Variants in SLC45A4 observed in about 807,000 individuals in gnomAD.
SLC45A4 encodes solute carrier family 45 member 4.
Under a neutral mutation model 63.7 loss-of-function variants are expected in SLC45A4, and 32 were observed. The ratio of observed to expected loss-of-function variants is 0.50; its 90% CI spans 0.38 to 0.67. The LOEUF (loss-of-function observed/expected upper bound fraction) is 0.67, where lower values mean the gene tolerates loss of function less well. SLC45A4 is among the 30% of genes least tolerant of loss of function. The pLI is 0.00. For synonymous variants in SLC45A4, 535 were observed against 510.0 expected, an observed-to-expected ratio of 1.05 and a Z score of -0.66; for missense variants, 1,027 against 1,157.7, an observed-to-expected ratio of 0.89 and a Z score of 1.64.
intron 1 of SLC45A4, among the ~76,000 whole-genome samples, chr8:141,291,236 A>T (rs67932682): frequency 6.6e-6 from 1 of 152,188 alleles, no homozygotes; most frequent in Admixed American, 6.5e-5. Flanking sequence ...TTTTGTGAGA[A>T]CAAGTTTACA....
chr8:141,299,537 G>A (rs1830675407), intron 1 of SLC45A4, among the ~76,000 whole-genome samples: 1 of 152,208 alleles, frequency 6.6e-6, no homozygotes, highest in East Asian at 1.9e-4. Context: ...CAGCAGAGCG[G>A]CCGTGGCCGC....
chr8:141,304,778 G>C (rs1243517816), intron 1 of SLC45A4, among the ~76,000 whole-genome samples: 2 of 152,048 alleles, frequency 1.3e-5, no homozygotes, highest in Non-Finnish European at 2.9e-5. Flanking sequence ...TCTGAGGTGG[G>C]AACAACAGCA....
chr8:141,290,250 C>T (rs772906501), intron 1 of SLC45A4, among the ~76,000 whole-genome samples: 1 of 152,012 alleles, frequency 6.6e-6, no homozygotes, highest in Non-Finnish European at 1.5e-5. Context: ...GCTCACCACA[C>T]GTGCAGGTAT....
rs1212196848 is a variant in SLC45A4 at position 141,215,106 on chromosome 8, A to G, written c.1941+653T>C. On this transcript the variant is annotated intron_variant, in intron 7 of 8. Transcript: ENST00000517878. The surrounding 1 kb of genome is among the most constrained non-coding windows in gnomAD (Gnocchi z 4.3). Reference sequence around the variant, plus strand: ...GCCAGCAAGCACGTGAGTGAATCCTAGAGGATGAAGCCAGATGTTTCAGCT... The same window carrying G: ...GCCAGCAAGCACGTGAGTGAATCCTGGAGGATGAAGCCAGATGTTTCAGCT... Among the ~76,000 whole-genome samples, 1 of 152,212 alleles carries G rather than the reference A, an allele frequency of 6.6e-6. No homozygotes were observed. Among genetic ancestry groups the G allele is most frequent in the East Asian group, 1.9e-4 (1 of 5,204 alleles).
At chr8:141,237,852 C>G (rs1311002320) in intron 2 of SLC45A4, among the ~76,000 whole-genome samples, 3 of 152,190 alleles carry the variant, frequency 2.0e-5, no homozygotes, top group Non-Finnish European at 4.4e-5. Flanking sequence ...TGCCCAGCAT[C>G]CAGCAGGTAG....
chr8:141,244,838 A>G (rs1019367860), intron 2 of SLC45A4, among the ~76,000 whole-genome samples: 1 of 151,994 alleles, frequency 6.6e-6, no homozygotes, highest in African/African-American at 2.4e-5. Flanking sequence ...GGGAGGGCAG[A>G]GCCGGAAACC....
chr8:141,289,724 A>AG (rs1267669418), intron 1 of SLC45A4, among the ~76,000 whole-genome samples: 1 of 152,046 alleles, frequency 6.6e-6, no homozygotes, highest in Non-Finnish European at 1.5e-5. Flanking sequence ...GCCTCTGCAG[A>AG]GGGGGGCTCA....
intron 2 of SLC45A4, among the ~76,000 whole-genome samples, chr8:141,236,877 G>C (rs1418002458): frequency 6.6e-6 from 1 of 152,244 alleles, no homozygotes; most frequent in Non-Finnish European, 1.5e-5. Flanking sequence ...GGGCTGGCCA[G>C]AGGGTAGCAC....
intron 2 of SLC45A4, among the ~76,000 whole-genome samples, chr8:141,251,986 T>G (rs1396746921): frequency 6.9e-6 from 1 of 145,712 alleles, no homozygotes; most frequent in Non-Finnish European, 1.5e-5. Context: ...GGATCCGCAC[T>G]GCAGCGAGGC....
At chr8:141,232,761 CA>C (rs1419751710) in intron 2 of SLC45A4, among the ~76,000 whole-genome samples, 1 of 148,066 alleles carries the variant, frequency 6.8e-6, no homozygotes, top group Non-Finnish European at 1.5e-5. Flanking sequence ...TGAGCACTCA[CA>C]AGCTGCAACG....
chr8:141,212,146 G>T (rs772147367), intron 8 of SLC45A4, 51 bp downstream of exon 8: 585 of 517,470 alleles, frequency 1.1e-3, no homozygotes, highest in Admixed American at 9.6e-3. Context: ...CCGCCCGCCC[G>T]CCCGCCCACC....
Position 141,216,947 on chromosome 8 carries a change from C to T in SLC45A4, c.1729+143G>A, listed in dbSNP as rs758525681. ...ACATGGGAATTTCGATGCTTCTCCC[C>T]AAGGGGTGGCCCTGTTTTGAGGGAC... is the stretch of plus-strand genomic sequence containing the variant. On this transcript the variant is annotated intron_variant, in intron 6 of 8. Coordinates refer to ENST00000517878, the MANE Select transcript of SLC45A4 (RefSeq NM_001286646.2). 4.4e-4 allele frequency: 332 copies of T among 751,596 alleles called. 1 individual carries two copies. Among genetic ancestry groups the T allele is most frequent in the Non-Finnish European group, 6.4e-4 (299 of 468,916 alleles). 46.6% of individuals were successfully genotyped at this position (751,596 alleles called of 1,614,324 possible). A position where few individuals can be genotyped will look rare whatever the true frequency, so the allele number is the denominator to read the frequency against.
At chr8:141,282,747 T>C (rs1269880427) in intron 1 of SLC45A4, among the ~76,000 whole-genome samples, 3 of 152,224 alleles carry the variant, frequency 2.0e-5, no homozygotes, top group African/African-American at 2.4e-5. Flanking sequence ...TTTGGGACGA[T>C]GTCGCAAGAG....
chr8:141,279,863 A>G (rs1182481792), intron 1 of SLC45A4, among the ~76,000 whole-genome samples: 1 of 152,238 alleles, frequency 6.6e-6, no homozygotes, highest in Non-Finnish European at 1.5e-5. Flanking sequence ...AACTCTTTCA[A>G]AGATTAATAA....
chr8:141,307,940 C>A (rs557298823), intron 1 of SLC45A4, among the ~76,000 whole-genome samples, 156 bp downstream of exon 1: 2 of 151,168 alleles, frequency 1.3e-5, no homozygotes, highest in African/African-American at 4.8e-5. Context: ...CGTCCCCTCC[C>A]CCGGAGAAGG....
At chr8:141,282,944 T>C (rs1038730259) in intron 1 of SLC45A4, among the ~76,000 whole-genome samples, 12 of 152,210 alleles carry the variant, frequency 7.9e-5, no homozygotes, top group African/African-American at 2.7e-4. Flanking sequence ...GCCTAGGCCA[T>C]GAGGCCTAGC....
At position 141,215,990 on chromosome 8, in the gene SLC45A4, G is replaced by C. The variant is rs144926677; in HGVS notation, c.1730-20C>G. 6.2e-7 allele frequency: 1 copy of C among 1,607,326 alleles called. No individual in the cohort carries two copies. The highest frequency in any genetic ancestry group is 1.3e-5 in the African/African-American group (1 of 74,942). ...ACAGGGCTGCAGAGAGGGGCACAGG[G>C]ACAAGGACAGTGGGCAGGCGGCTGG... On this transcript the variant is annotated intron_variant, in intron 6 of 8. Coordinates refer to ENST00000517878, the MANE Select transcript of SLC45A4 (RefSeq NM_001286646.2). This position sits in a 1 kb window ranked among gnomAD's most constrained non-coding sequence, Gnocchi z 4.3.
chr8:141,214,488 T>C (rs1826020300), intron 7 of SLC45A4, among the ~76,000 whole-genome samples: 1 of 152,226 alleles, frequency 6.6e-6, no homozygotes. Context: ...TAGAAGGGTA[T>C]GTCACACTTA....
rs544702644 is a variant in SLC45A4, at chr8:141,211,212, G to T, written c.*360C>A. 67 of 425,672 alleles carry T rather than the reference G, an allele frequency of 1.6e-4. No individual in the cohort carries two copies. Among genetic ancestry groups the T allele is most frequent in the Non-Finnish European group, 2.5e-4 (60 of 241,346 alleles). 26.4% of individuals were successfully genotyped at this position (425,672 alleles called of 1,614,324 possible). ...AATCCCCAGCAAATGGTTTAGAGACGAATCAAAGTGCAGTGAAAGTCAACG... is the reference window on the plus strand; with the variant it reads ...AATCCCCAGCAAATGGTTTAGAGACTAATCAAAGTGCAGTGAAAGTCAACG... On this transcript the variant is annotated 3_prime_UTR_variant, in exon 9 of 9. Transcript: ENST00000517878.
Sources: gnomAD v4.1 joint callset for allele counts (sites outside exome capture counted in the v4.1 genomes callset) on GRCh38, gnomAD v4.1.1 for gene constraint, Gnocchi (gnomAD v3.1) non-coding constraint, MANE v1.5 for transcripts, NCBI Gene and HGNC (gene_info 2026-07-23, HGNC 2026-07-21) for gene names.